The following ADGRL2 variants were observed in gnomAD, a reference collection of about 807,000 sequenced individuals.
ADGRL2 encodes adhesion G protein-coupled receptor L2, also known as calcium-independent alpha-latrotoxin receptor 2.
ADGRL2 carries 44 observed loss-of-function variants against 157.4 expected under a neutral mutation model. The ratio of observed to expected loss-of-function variants is 0.28; its 90% CI spans 0.22 to 0.36. The LOEUF (loss-of-function observed/expected upper bound fraction) is 0.36, where lower values mean the gene tolerates loss of function less well. Among genes scored for constraint, ADGRL2 ranks in the 10% least tolerant of loss-of-function variants. The pLI, the probability that ADGRL2 is intolerant of heterozygous loss-of-function variation, is 1.00. For synonymous variants in ADGRL2, 585 were observed against 624.7 expected, an observed-to-expected ratio of 0.94 and a Z score of 0.95; for missense variants, 1,510 against 1,768.9, an observed-to-expected ratio of 0.85 and a Z score of 2.63.
intron 8 of ADGRL2, among the ~76,000 whole-genome samples, chr1:81,951,738 TA>T (rs1452105593): frequency 6.6e-6 from 1 of 152,084 alleles, no homozygotes; most frequent in Admixed American, 6.6e-5. Flanking sequence ...TTTTCCTTTT[TA>T]TTTCTTTTAA....
At chr1:81,811,404 T>C (rs1396377602) in intron 1 of ADGRL2, among the ~76,000 whole-genome samples, 1 of 151,794 alleles carries the variant, frequency 6.6e-6, no homozygotes, top group Non-Finnish European at 1.5e-5. Flanking sequence ...AGGTGATATG[T>C]TTATGTTGGA....
chr1:81,433,994 A>G (rs551745230), intron 1 of ADGRL2, among the ~76,000 whole-genome samples: 38 of 152,158 alleles, frequency 2.5e-4, no homozygotes, highest in African/African-American at 8.9e-4. Flanking sequence ...CCTTAGTCTG[A>G]CTTTTTAGTG....
At chr1:81,318,521 A>G (rs1660264523) in intron 1 of ADGRL2, among the ~76,000 whole-genome samples, 1 of 152,164 alleles carries the variant, frequency 6.6e-6, no homozygotes, top group African/African-American at 2.4e-5. Context: ...TAGACAAATG[A>G]AATGATATTT....
At chr1:81,712,906 C>T (rs2083983436) in intron 1 of ADGRL2, among the ~76,000 whole-genome samples, 1 of 151,698 alleles carries the variant, frequency 6.6e-6, no homozygotes, top group Non-Finnish European at 1.5e-5. Flanking sequence ...GGACTGCAGG[C>T]ATGCACCACC....
intron 2 of ADGRL2, among the ~76,000 whole-genome samples, chr1:81,864,277 A>G (rs2150855156): frequency 6.8e-6 from 1 of 146,364 alleles, no homozygotes; most frequent in African/African-American, 2.5e-5. Context: ...TAAATGGGGA[A>G]TTAAGTGCCA....
At chr1:81,817,444 T>G (rs2090525336) in intron 1 of ADGRL2, among the ~76,000 whole-genome samples, 1 of 152,104 alleles carries the variant, frequency 6.6e-6, no homozygotes, top group Non-Finnish European at 1.5e-5. Flanking sequence ...TCTAGAAAAG[T>G]GCAGCTTTTT....
intron 1 of ADGRL2, among the ~76,000 whole-genome samples, chr1:81,361,525 G>A (rs542402875): frequency 6.6e-6 from 1 of 151,952 alleles, no homozygotes; most frequent in African/African-American, 2.4e-5. Context: ...TTAAGGACGG[G>A]AACACTGTGC....
At chr1:81,812,084 C>T (rs888246491) in intron 1 of ADGRL2, among the ~76,000 whole-genome samples, 2 of 151,614 alleles carry the variant, frequency 1.3e-5, no homozygotes, top group Admixed American at 1.3e-4. Flanking sequence ...TTATTTTAAT[C>T]AGGTAATTGG....
intron 2 of ADGRL2, among the ~76,000 whole-genome samples, chr1:81,897,327 C>A (rs1452437617): frequency 6.6e-6 from 1 of 151,744 alleles, no homozygotes; most frequent in East Asian, 1.9e-4. Flanking sequence ...AAGTATTCTG[C>A]CTTTGTGAAC....
chr1:81,518,997 A>G (rs1193725673), intron 2 of ADGRL2, among the ~76,000 whole-genome samples: 1 of 152,084 alleles, frequency 6.6e-6, no homozygotes, highest in African/African-American at 2.4e-5. Flanking sequence ...ACGATTTCCA[A>G]AGCATTTCCC....
In ADGRL2 at chr1:81,966,565, G is replaced by A. The variant is rs1572412403; in HGVS notation, c.2305G>A (p.Val769Ile). Residue 769 changes from valine (V) to isoleucine (I), a missense_variant, in exon 13 of 24, where the codon GTA (valine) becomes ATA (isoleucine). Physicochemically the swap from Val to Ile is conservative, Grantham distance 29. Around this residue, in one of 4 missense-constraint regions of ADGRL2, gnomAD observed 497 missense variants for 627.2 expected, o/e 0.79. Coordinates refer to ENST00000686636, the MANE Select transcript of ADGRL2 (RefSeq NM_001366006.2). Reference protein sequence around the residue: ...SVSINKESSRVYLTDPVLFTL... With the variant: ...SVSINKESSRIYLTDPVLFTL... ...TTCAATCAATAAAGAGTCCAGCCGA[G>A]TATACCTGACTGATCCTGTGCTTTT... 6.2e-7 allele frequency: 1 copy of A among 1,614,126 alleles called. No individual in the cohort carries two copies. Among genetic ancestry groups the A allele is most frequent in the East Asian group, 2.2e-5 (1 of 44,858 alleles).
intron 1 of ADGRL2, among the ~76,000 whole-genome samples, chr1:81,436,795 G>A (rs931080272): frequency 1.3e-5 from 2 of 152,216 alleles, no homozygotes; most frequent in Non-Finnish European, 2.9e-5. Context: ...TCACCTATCA[G>A]GACCTGATTG....
intron 19 of ADGRL2, among the ~76,000 whole-genome samples, chr1:81,983,947 C>T (rs1291495378): frequency 1.3e-5 from 2 of 151,990 alleles, no homozygotes; most frequent in South Asian, 2.1e-4. Flanking sequence ...AGTGAATAGA[C>T]ATCTTAGACT....
chr1:81,881,128 T>TTA lies in ADGRL2; in HGVS notation c.74-25877_74-25876dup, dbSNP rs546189736. 4.5e-3 allele frequency among the ~76,000 whole-genome samples: 678 copies of TTA among 152,042 alleles called. 5 individuals carry two copies. The highest frequency in any genetic ancestry group is 0.013 in the African/African-American group (556 of 41,474). ...GGGACTCAAAATGATTGCTAGAACT[T>TTA]TATATATATATATTTTTGGTAAGGC... On this transcript the variant is annotated intron_variant, in intron 2 of 23. Coordinates refer to ENST00000686636, the MANE Select transcript of ADGRL2 (RefSeq NM_001366006.2).
chr1:81,848,309 T>C (rs534474497), intron 2 of ADGRL2, among the ~76,000 whole-genome samples: 8 of 151,800 alleles, frequency 5.3e-5, no homozygotes, highest in Non-Finnish European at 1.0e-4. Flanking sequence ...AGTATTTTTA[T>C]TTTGATTTTT....
chr1:81,463,114 CAA>C (rs56920139), intron 2 of ADGRL2, among the ~76,000 whole-genome samples: 2,428 of 93,710 alleles, frequency 0.026, 28 homozygotes, highest in African/African-American at 0.074. Flanking sequence ...GACCATGTCT[CAA>C]AAAAAAAAAA....
chr1:81,596,708 G>A (rs1347767664), intron 3 of ADGRL2, among the ~76,000 whole-genome samples: 1 of 151,870 alleles, frequency 6.6e-6, no homozygotes, highest in Non-Finnish European at 1.5e-5. Context: ...TTTTCTGAGT[G>A]AGGTGATTAA....
upstream of ADGRL2, among the ~76,000 whole-genome samples, chr1:81,698,521 C>A (rs747735666): frequency 1.3e-5 from 2 of 152,052 alleles, no homozygotes; most frequent in Non-Finnish European, 2.9e-5. Flanking sequence ...GAAGCAAAGG[C>A]AATATTTTGT....
At chr1:81,726,544 G>C (rs1386516553) in intron 1 of ADGRL2, among the ~76,000 whole-genome samples, 1 of 152,142 alleles carries the variant, frequency 6.6e-6, no homozygotes, top group Non-Finnish European at 1.5e-5. Context: ...CTAGAGTTGA[G>C]AGTGCGGGTC....
Sources: gnomAD v4.1 joint callset for allele counts (sites outside exome capture counted in the v4.1 genomes callset) on GRCh38, gnomAD v4.1.1 for gene constraint, gnomAD v4.1.1 regional missense constraint, MANE v1.5 for transcripts, NCBI Gene and HGNC (gene_info 2026-07-23, HGNC 2026-07-21) for gene names.